The following IKZF2 variants were observed in gnomAD, a reference collection of about 807,000 sequenced individuals.
IKZF2 encodes zinc finger protein Helios.
Under a neutral mutation model 49.2 loss-of-function variants are expected in IKZF2, and 15 were observed. That is an observed-to-expected ratio of 0.30 (90% CI 0.20 to 0.47). The LOEUF is 0.47. Ranked by LOEUF, IKZF2 falls within the 20% of genes least tolerant of loss-of-function variation. The pLI is 1.00. For missense variants in IKZF2, 567 were observed against 664.6 expected (o/e 0.85, Z 1.61); for synonymous variants, 227 against 221.4 (o/e 1.03, Z -0.23).
intron 4 of IKZF2, among the ~76,000 whole-genome samples, chr2:213,139,888 G>T (rs1176715595): frequency 2.0e-5 from 3 of 151,866 alleles, no homozygotes; most frequent in Non-Finnish European, 4.4e-5. Flanking sequence ...ATCTATAATG[G>T]ATGTAAGTCA....
chr2:213,071,670 A>C (rs17838591), intron 4 of IKZF2, among the ~76,000 whole-genome samples: 13,319 of 152,150 alleles, frequency 0.088, 1,040 homozygotes, highest in African/African-American at 0.21. Context: ...AATTGGGAAG[A>C]AGAAAGGCTC....
intron 6 of IKZF2, among the ~76,000 whole-genome samples, chr2:213,048,585 A>C (rs951539348): frequency 1.3e-5 from 2 of 152,102 alleles, no homozygotes; most frequent in African/African-American, 4.8e-5. Flanking sequence ...AAAACATAAA[A>C]TGTTGTAGTT....
chr2:213,049,775 G>A lies in IKZF2; in HGVS notation c.512C>T (p.Pro171Leu). Residue 171 changes from proline to leucine, a missense_variant, in exon 6 of 9, where the codon CCT becomes CTT. Pro to Leu is a moderately conservative substitution (Grantham distance 98). Coordinates refer to ENST00000434687, the MANE Select transcript of IKZF2 (RefSeq NM_001387220.1). ...TCTTCTACAGGCGTAGCTACAGAAA[G>A]GACATTTGAACGGCTTCTCTCCAGA... ...LHSGEKPFKC[P>L]FCSYACRRRD... 1.2e-6 allele frequency: 2 copies of A among 1,611,254 alleles called. No individual in the cohort carries two copies. Among genetic ancestry groups the A allele is most frequent in the East Asian group, 4.5e-5 (2 of 44,824 alleles).
intron 6 of IKZF2, among the ~76,000 whole-genome samples, chr2:213,035,723 C>T (rs1247640551): frequency 6.6e-6 from 1 of 152,114 alleles, no homozygotes; most frequent in Non-Finnish European, 1.5e-5. Flanking sequence ...GAAGATCAGA[C>T]AGTAGAAGTG....
chr2:213,011,841 A>T (rs1456456581), intron 8 of IKZF2, among the ~76,000 whole-genome samples: 1 of 152,046 alleles, frequency 6.6e-6, no homozygotes, highest in Non-Finnish European at 1.5e-5. Flanking sequence ...ATAAGTATGG[A>T]AAGGATGCTC....
At chr2:213,106,303 C>T (rs570831332) in intron 4 of IKZF2, among the ~76,000 whole-genome samples, 4 of 151,772 alleles carry the variant, frequency 2.6e-5, no homozygotes, top group East Asian at 1.9e-4. Context: ...GAGATCCTTG[C>T]GCCTGTTTTT....
At position 213,147,753 on chromosome 2, in the gene IKZF2, T is replaced by C. The variant is rs781710210; in HGVS notation, c.94A>G (p.Ser32Gly). Residue 32 changes from serine (S) to glycine (G), a missense_variant, in exon 4 of 9, where the codon AGC becomes GGC. This residue lies in a region of IKZF2 where 156 missense variants were observed against 138.5 expected (regional missense o/e 1.13). Coordinates refer to ENST00000434687, the MANE Select transcript of IKZF2 (RefSeq NM_001387220.1). ...GAGGCATGCTGTCCATTGGGTGTGC[T>C]TGAGGTGAGGTCAATTGCCATATTG... ...HSNMAIDLTS[S>G]TPNGQHASPS... 10 of 1,614,056 alleles carry C rather than the reference T, an allele frequency of 6.2e-6. No homozygotes were observed. The highest frequency in any genetic ancestry group is 7.6e-6 in the Non-Finnish European group (9 of 1,179,906).
At chr2:213,094,233 T>C (rs1010157561) in intron 4 of IKZF2, among the ~76,000 whole-genome samples, 23 of 152,132 alleles carry the variant, frequency 1.5e-4, no homozygotes, top group African/African-American at 5.5e-4. Context: ...TTCATCTGAC[T>C]ATGCTGAGTA....
chr2:213,098,578 T>C (rs1011185578), intron 4 of IKZF2, among the ~76,000 whole-genome samples: 1 of 152,138 alleles, frequency 6.6e-6, no homozygotes, highest in African/African-American at 2.4e-5. Flanking sequence ...AAGTCTAACA[T>C]AACTACTTTG....
intron 6 of IKZF2, among the ~76,000 whole-genome samples, chr2:213,039,016 T>A (rs1335557183): frequency 6.6e-6 from 1 of 152,034 alleles, no homozygotes. Context: ...TTTTTTTTTT[T>A]ATTTTTAAGA....
chr2:213,067,942 A>T (rs552362990), intron 4 of IKZF2, among the ~76,000 whole-genome samples: 21 of 152,232 alleles, frequency 1.4e-4, no homozygotes, highest in African/African-American at 5.1e-4. Context: ...ATTCAAAAAG[A>T]TAACTTCTCA....
chr2:213,124,278 ACAC>A (rs1559304682), intron 4 of IKZF2, among the ~76,000 whole-genome samples: 4 of 143,780 alleles, frequency 2.8e-5, no homozygotes, highest in African/African-American at 1.1e-4. Context: ...ACACACACAC[ACAC>A]ACACACACAC....
rs62617113 is a variant in IKZF2 at position 213,022,140 on chromosome 2, G to T, written c.575-10C>A. 5.9e-3 allele frequency: 9,481 copies of T among 1,596,370 alleles called. 43 individuals carry two copies. The highest frequency in any genetic ancestry group is 7.4e-3 in the Non-Finnish European group (8,611 of 1,171,514). On this transcript the variant is annotated splice_polypyrimidine_tract_variant and intron_variant, in intron 6 of 8. Coordinates refer to ENST00000434687, the MANE Select transcript of IKZF2 (RefSeq NM_001387220.1). ...TTGTGAGGTTTACCCACTGTGAAGA[G>T]AACTCAAGGTCAGTGTGCTGTTAGT... is the stretch of plus-strand genomic sequence containing the variant.
At chr2:213,095,125 T>C (rs965808698) in intron 4 of IKZF2, among the ~76,000 whole-genome samples, 1 of 152,142 alleles carries the variant, frequency 6.6e-6, no homozygotes, top group Non-Finnish European at 1.5e-5. Context: ...TGGGGAAAAC[T>C]ATGCAAATAT....
rs2060262171 is a variant in IKZF2 at position 213,126,452 on chromosome 2, T to G, written c.139+21256A>C. Among the ~76,000 whole-genome samples, 6 of 152,308 alleles carry G rather than the reference T, an allele frequency of 3.9e-5. No homozygotes were observed. In the South Asian group the frequency reaches 1.2e-3, roughly 32 times the overall value. ...ATTAGAGTTGTTTTTTATGAGATTATCGTTTTAAGGTTAAAATTGTATTTT... is the reference window on the plus strand; with the variant it reads ...ATTAGAGTTGTTTTTTATGAGATTAGCGTTTTAAGGTTAAAATTGTATTTT... On this transcript the variant is annotated intron_variant, in intron 4 of 8. Coordinates refer to ENST00000434687, the MANE Select transcript of IKZF2 (RefSeq NM_001387220.1).
intron 4 of IKZF2, among the ~76,000 whole-genome samples, chr2:213,104,655 A>G (rs550376809): frequency 6.6e-6 from 1 of 152,308 alleles, no homozygotes; most frequent in South Asian, 2.1e-4. Flanking sequence ...CACGCATAGA[A>G]GCAGGGACTC....
In IKZF2 at chr2:213,099,257, T is replaced by A. The variant is rs188631024; in HGVS notation, c.140-42158A>T. ...AACTGAAGAGATTGAAGGAAACAAATATTGTAAATATTACTGTAAGATGCC... is the reference window on the plus strand; with the variant it reads ...AACTGAAGAGATTGAAGGAAACAAAAATTGTAAATATTACTGTAAGATGCC... On this transcript the variant is annotated intron_variant, in intron 4 of 8. Transcript: ENST00000434687. 4.6e-5 allele frequency among the ~76,000 whole-genome samples: 7 copies of A among 152,242 alleles called. No homozygotes were observed. In the East Asian group the frequency reaches 1.4e-3, roughly 29 times the overall value.
chr2:213,064,610 T>C (rs2125439208), intron 4 of IKZF2, among the ~76,000 whole-genome samples: 1 of 152,134 alleles, frequency 6.6e-6, no homozygotes, highest in East Asian at 1.9e-4. Context: ...AATTATACAA[T>C]GCAGAGAAAA....
At chr2:213,041,982 G>A (rs984082215) in intron 6 of IKZF2, among the ~76,000 whole-genome samples, 1 of 152,130 alleles carries the variant, frequency 6.6e-6, no homozygotes. Flanking sequence ...AAAATCCAGG[G>A]AGAAAAGATA....
Sources: allele counts gnomAD v4.1 joint callset (sites outside exome capture counted in the v4.1 genomes callset), GRCh38; gene constraint gnomAD v4.1.1; regional missense constraint gnomAD v4.1.1; transcripts MANE v1.5; gene names NCBI Gene and HGNC (gene_info 2026-07-23, HGNC 2026-07-21).